The following DDAH1 variants were observed in gnomAD, a reference collection of about 807,000 sequenced individuals.
DDAH1 encodes N(G),N(G)-dimethylarginine dimethylaminohydrolase 1.
A neutral mutation model predicts 28.8 loss-of-function variants in DDAH1; 19 were observed. That is an observed-to-expected ratio of 0.66 (90% confidence interval 0.46 to 0.97). DDAH1 has a LOEUF of 0.97. DDAH1 is among the 50% of genes least tolerant of loss of function. The pLI, the probability that DDAH1 is intolerant of heterozygous loss-of-function variation, is 0.00. For missense variants in DDAH1, 326 were observed against 375.9 expected (o/e 0.87, Z 1.10); for synonymous variants, 153 against 154.4 (o/e 0.99, Z 0.07).
intron 1 of DDAH1, among the ~76,000 whole-genome samples, chr1:85,546,001 G>A (rs971514614): frequency 6.6e-6 from 1 of 151,934 alleles, no homozygotes; most frequent in Non-Finnish European, 1.5e-5. Context: ...TAAAATGGGA[G>A]CAACAATAGT....
At chr1:85,546,025 G>A (rs568597962) in intron 1 of DDAH1, among the ~76,000 whole-genome samples, 11 of 152,060 alleles carry the variant, frequency 7.2e-5, no homozygotes, top group South Asian at 6.2e-4. Flanking sequence ...AAACTTCTGC[G>A]GTGGTTGTGA....
At chr1:85,468,012 G>T (rs1235238004), upstream of DDAH1, among the ~76,000 whole-genome samples, 1 of 152,208 alleles carries the variant, frequency 6.6e-6, no homozygotes, top group Non-Finnish European at 1.5e-5. Flanking sequence ...GCTTGAAGAT[G>T]ATTGGACTTG....
chr1:85,558,838 T>C lies in DDAH1; in HGVS notation c.-123+19146A>G, dbSNP rs1169466196. Among the ~76,000 whole-genome samples the C allele has an allele frequency of 2.0e-5, 3 of 152,170 alleles. No individual in the cohort carries two copies. In the South Asian group the frequency reaches 6.2e-4, roughly 31 times the overall value. On this transcript the variant is annotated intron_variant, in intron 1 of 6. Coordinates refer to the DDAH1 transcript ENST00000426972. ...AAATGGGATCTTGATGTACATAGAA[T>C]TTTTTGCTCTGCTTTTGTTTAATTA...
chr1:85,422,428 T>G (rs554749284), intron 1 of DDAH1, among the ~76,000 whole-genome samples: 1 of 152,268 alleles, frequency 6.6e-6, no homozygotes, highest in African/African-American at 2.4e-5. Context: ...TATAAAATTT[T>G]TCTGTCATAA....
chr1:85,356,560 CAATAA>C (rs1418825095), intron 2 of DDAH1, among the ~76,000 whole-genome samples: 1 of 151,816 alleles, frequency 6.6e-6, no homozygotes. Context: ...TGTTTAACCG[CAATAA>C]AATAAAAGAG....
chr1:85,440,635 C>G (rs1233047858), intron 1 of DDAH1, among the ~76,000 whole-genome samples: 3 of 152,100 alleles, frequency 2.0e-5, no homozygotes, highest in African/African-American at 7.2e-5. Context: ...TCAGAAATAC[C>G]CAGGGGCTTT....
intron 1 of DDAH1, among the ~76,000 whole-genome samples, chr1:85,367,236 C>T (rs1013392361): frequency 6.6e-6 from 1 of 152,132 alleles, no homozygotes; most frequent in African/African-American, 2.4e-5. Context: ...AGCTCCAGGC[C>T]GATGCTCTGA....
At chr1:85,328,883 C>T (rs1210116109) in intron 4 of DDAH1, among the ~76,000 whole-genome samples, 1 of 152,210 alleles carries the variant, frequency 6.6e-6, no homozygotes, top group Non-Finnish European at 1.5e-5. Flanking sequence ...TAAGTGCTCC[C>T]ACCACTCATA....
intron 1 of DDAH1, among the ~76,000 whole-genome samples, chr1:85,553,492 G>A (rs1658861510): frequency 6.6e-6 from 1 of 152,160 alleles, no homozygotes; most frequent in South Asian, 2.1e-4. Context: ...GAGTGACCTG[G>A]GTCCTAACTA....
At chr1:85,374,047 AG>A (rs1650526594) in intron 1 of DDAH1, among the ~76,000 whole-genome samples, 1 of 152,116 alleles carries the variant, frequency 6.6e-6, no homozygotes, top group African/African-American at 2.4e-5. Flanking sequence ...TTCACAAGGC[AG>A]GGGGCACAGC....
intron 5 of DDAH1, among the ~76,000 whole-genome samples, chr1:85,323,188 G>A (rs545244090): frequency 3.0e-4 from 45 of 152,026 alleles, no homozygotes; most frequent in Non-Finnish European, 6.0e-4. Flanking sequence ...ATATCATATT[G>A]CATATTTAAA....
At chr1:85,502,327 C>T (rs1029777848) in intron 1 of DDAH1, among the ~76,000 whole-genome samples, 5 of 152,170 alleles carry the variant, frequency 3.3e-5, no homozygotes, top group African/African-American at 7.2e-5. Context: ...CTACACCCCA[C>T]GCACTCTGCT....
At chr1:85,340,985 C>T (rs1430980958) in intron 4 of DDAH1, among the ~76,000 whole-genome samples, 3 of 152,004 alleles carry the variant, frequency 2.0e-5, no homozygotes, top group Non-Finnish European at 2.9e-5. Context: ...CTATGCCTGA[C>T]GTTCATTCAG....
intron 1 of DDAH1, among the ~76,000 whole-genome samples, chr1:85,516,519 C>T (rs1382215262): frequency 4.0e-5 from 6 of 151,578 alleles, no homozygotes; most frequent in African/African-American, 1.5e-4. Context: ...TGCTTTCTGC[C>T]CAGGGTGGGT....
At chr1:85,561,152 G>A (rs1268306735) in intron 1 of DDAH1, among the ~76,000 whole-genome samples, 1 of 152,038 alleles carries the variant, frequency 6.6e-6, no homozygotes, top group African/African-American at 2.4e-5. Flanking sequence ...CCAGATACAT[G>A]ACTGTGAGCA....
chr1:85,548,561 A>C (rs1658695187), intron 1 of DDAH1, among the ~76,000 whole-genome samples: 1 of 152,228 alleles, frequency 6.6e-6, no homozygotes, highest in African/African-American at 2.4e-5. Flanking sequence ...ATAACAACAC[A>C]AACTATAGAT....
At chr1:85,558,085 G>A (rs2100801663) in intron 1 of DDAH1, among the ~76,000 whole-genome samples, 1 of 152,194 alleles carries the variant, frequency 6.6e-6, no homozygotes, top group South Asian at 2.1e-4. Flanking sequence ...ACATCAATCT[G>A]GTTGGGTGCA....
chr1:85,512,009 A>G (rs993732339), intron 1 of DDAH1, among the ~76,000 whole-genome samples: 17 of 152,262 alleles, frequency 1.1e-4, no homozygotes, highest in African/African-American at 4.1e-4. Flanking sequence ...CGAGGCCAGC[A>G]TCATCCTGAT....
chr1:85,538,482 G>C (rs1554593), intron 1 of DDAH1, among the ~76,000 whole-genome samples: 1 of 152,096 alleles, frequency 6.6e-6, no homozygotes, highest in African/African-American at 2.4e-5. Flanking sequence ...GGGAACACCC[G>C]GGGGCCTACC....
Sources: allele counts gnomAD v4.1 joint callset (sites outside exome capture counted in the v4.1 genomes callset), GRCh38; gene constraint gnomAD v4.1.1; transcripts MANE v1.5; gene names NCBI Gene and HGNC (gene_info 2026-07-23, HGNC 2026-07-21).